Variants in WDR3 observed in about 807,000 individuals in gnomAD.
WDR3 encodes WD repeat domain 3.
In WDR3, 81 loss-of-function variants were observed where a neutral mutation model predicts 123.7. The observed-to-expected ratio is 0.65, with a 90% CI of 0.55 to 0.79. The LOEUF is 0.79. Among genes scored for constraint, WDR3 ranks in the 30% least tolerant of loss-of-function variants. The pLI is 0.00. For synonymous variants in WDR3, 390 were observed against 388.8 expected (o/e 1.00, Z -0.04); for missense variants, 1,027 against 1,123.2 (o/e 0.91, Z 1.22).
intron 12 of WDR3, among the ~76,000 whole-genome samples, chr1:117,948,001 G>A (rs1209295447): frequency 1.3e-5 from 2 of 152,164 alleles, no homozygotes; most frequent in East Asian, 3.9e-4. Context: ...GGTTGCTTAA[G>A]CCAATAACTA....
In WDR3 at chr1:117,940,729, G is replaced by GACA. The variant is rs529621497; in HGVS notation, c.676-78_676-76dup. On this transcript the variant is annotated intron_variant, in intron 6 of 26. Coordinates refer to ENST00000349139, the MANE Select transcript of WDR3 (RefSeq NM_006784.3). ...GGCGACAGAGTAAGACTCTGTCTCC[G>GACA]ACAACAACAACAACAACAACAAAAC... 2,947 of 1,114,186 alleles carry GACA rather than the reference G, an allele frequency of 2.6e-3. 18 individuals carry two copies. The highest frequency in any genetic ancestry group is 0.024 in the African/African-American group (1,475 of 61,890). The allele number at this position is 1,114,186 out of a possible 1,614,324, so 69.0% of individuals were successfully genotyped here.
intron 13 of WDR3, 98 bp from the exon 14 acceptor site, chr1:117,949,653 G>A (rs1378761566): frequency 1.8e-5 from 24 of 1,352,386 alleles, no homozygotes; most frequent in African/African-American, 3.0e-5. Context: ...ATCCCATGAC[G>A]TTAAATAAAA....
In WDR3 at chr1:117,966,392, T is replaced by A; in HGVS notation, c.*6945T>A. 2.5e-6 allele frequency: 1 copy of A among 399,830 alleles called. No individual in the cohort carries two copies. The highest frequency in any genetic ancestry group is 4.4e-6 in the Non-Finnish European group (1 of 227,554). 24.8% of individuals were successfully genotyped at this position (399,830 alleles called of 1,614,324 possible). ...GCCAATAACATTTACATTTATTCAA[T>A]CTGAAGTTACTGCACATATACTATG... On this transcript the variant is annotated 3_prime_UTR_variant, in exon 27 of 27. Coordinates refer to ENST00000349139, the MANE Select transcript of WDR3 (RefSeq NM_006784.3).
intron 12 of WDR3, 61 bp from the exon 13 acceptor site, chr1:117,948,344 C>A: frequency 2.1e-6 from 3 of 1,457,790 alleles, no homozygotes; most frequent in South Asian, 1.2e-5. Context: ...ATTGTGCAGT[C>A]ATGAATCATG....
At position 117,940,732 on chromosome 1, in the gene WDR3, A is replaced by G. The variant is rs114162187; in HGVS notation, c.676-95A>G. The G allele has an allele frequency of 5.1e-3, 4,928 of 961,306 alleles. 73 individuals are homozygous for G. The highest frequency in any genetic ancestry group is 0.037 in the East Asian group (1,316 of 35,740). The allele number at this position is 961,306 out of a possible 1,614,324, so 59.5% of individuals were successfully genotyped here. ...GACAGAGTAAGACTCTGTCTCCGAC[A>G]ACAACAACAACAACAACAAAACAAC... On this transcript the variant is annotated intron_variant, in intron 6 of 26. Coordinates refer to ENST00000349139, the MANE Select transcript of WDR3 (RefSeq NM_006784.3).
intron 6 of WDR3, among the ~76,000 whole-genome samples, chr1:117,940,039 G>C (rs1005944403): frequency 6.6e-6 from 1 of 152,208 alleles, no homozygotes; most frequent in African/African-American, 2.4e-5. Flanking sequence ...CAGCCATTTC[G>C]ATGGGAGTTA....
At chr1:117,958,834 C>T in intron 25 of WDR3, 76 bp from the exon 26 acceptor site, 14 of 774,694 alleles carry the variant, frequency 1.8e-5, no homozygotes, top group Middle Eastern at 2.6e-4. Flanking sequence ...GATATTGTGT[C>T]TGTTTACTGT....
intron 22 of WDR3, 23 bp downstream of exon 22, chr1:117,954,122 T>G (rs1457596480): frequency 1.3e-6 from 2 of 1,586,440 alleles, no homozygotes; most frequent in South Asian, 2.2e-5. Context: ...TACAGTAAGT[T>G]ACAGTATCAA....
chr1:117,941,268 TC>T (rs1238672509), intron 8 of WDR3, 43 bp downstream of exon 8: 2 of 1,578,442 alleles, frequency 1.3e-6, no homozygotes, highest in Admixed American at 3.5e-5. Context: ...ACTAGGCTGT[TC>T]CTTCCAAACA....
In WDR3 at chr1:117,940,931, C is replaced by T. The variant is rs776772368; in HGVS notation, c.780C>T (p.Ala260=). 8 of 1,609,448 alleles carry T rather than the reference C, an allele frequency of 5.0e-6. No individual in the cohort carries two copies. Among genetic ancestry groups the T allele is most frequent in the East Asian group, 4.5e-5 (2 of 44,862 alleles). The part of the protein sequence containing the change: ...AEDGAFETDE[A]PEDRILSCRK... Reference sequence around the variant, plus strand: ...ATGGTGCCTTTGAGACGGATGAAGCCCCTGAGGATGTAATTCATTTTCATT... The same window carrying T: ...ATGGTGCCTTTGAGACGGATGAAGCTCCTGAGGATGTAATTCATTTTCATT... Residue 260 remains alanine (A), a synonymous_variant, in exon 7 of 27, where the codon GCC becomes GCT. Coordinates refer to ENST00000349139, the MANE Select transcript of WDR3 (RefSeq NM_006784.3).
intron 20 of WDR3, 33 bp downstream of exon 20, chr1:117,953,029 C>A (rs191840950): frequency 6.8e-6 from 11 of 1,605,962 alleles, no homozygotes; most frequent in Non-Finnish European, 9.4e-6. Context: ...GAGATTATGC[C>A]CCATATATAG....
intron 3 of WDR3, among the ~76,000 whole-genome samples, chr1:117,936,465 T>C (rs1054465560): frequency 1.2e-4 from 18 of 152,104 alleles, no homozygotes; most frequent in Non-Finnish European, 1.8e-4. Flanking sequence ...ATGGAAGAAA[T>C]GGAAATAATA....
chr1:117,931,469 A>G (rs968257469), intron 1 of WDR3, among the ~76,000 whole-genome samples: 3 of 152,238 alleles, frequency 2.0e-5, no homozygotes, highest in Non-Finnish European at 2.9e-5. Context: ...TCTTAGTGTC[A>G]GAAGAAAAGA....
intron 25 of WDR3, among the ~76,000 whole-genome samples, chr1:117,957,526 C>T (rs940503970): frequency 2.0e-5 from 3 of 152,210 alleles, no homozygotes; most frequent in Admixed American, 2.0e-4. Context: ...TGGTTCTAGT[C>T]AGTTTGCCAA....
At chr1:117,935,232 T>TAGCTAA (rs1650869973) in intron 3 of WDR3, among the ~76,000 whole-genome samples, 1 of 152,196 alleles carries the variant, frequency 6.6e-6, no homozygotes, top group African/African-American at 2.4e-5. Flanking sequence ...TTGATTTATA[T>TAGCTAA]AGCTAAAGCT....
At chr1:117,936,411 T>G (rs1173635194) in intron 3 of WDR3, among the ~76,000 whole-genome samples, 1 of 152,108 alleles carries the variant, frequency 6.6e-6, no homozygotes, top group Admixed American at 6.5e-5. Context: ...ACTTTAGAAT[T>G]GATTATTATG....
chr1:117,947,408 A>G (rs1651448670), intron 12 of WDR3, among the ~76,000 whole-genome samples: 1 of 152,344 alleles, frequency 6.6e-6, no homozygotes, highest in Non-Finnish European at 1.5e-5. Context: ...TGCTTCAACA[A>G]AAAAATGTAG....
chr1:117,950,809 T>C (rs773371895), intron 15 of WDR3, 25 bp from the exon 16 acceptor site: 1 of 1,587,858 alleles, frequency 6.3e-7, no homozygotes, highest in South Asian at 1.1e-5. Context: ...TAGACAGACA[T>C]TAATTATGTT....
rs768948946 is a variant in WDR3 at position 117,933,306 on chromosome 1, T to G, written c.-14T>G. 1 of 1,613,672 alleles carries G rather than the reference T, an allele frequency of 6.2e-7. No individual in the cohort carries two copies. Among genetic ancestry groups the G allele is most frequent in the Non-Finnish European group, 8.5e-7 (1 of 1,179,628 alleles). On this transcript the variant is annotated 5_prime_UTR_variant, in exon 2 of 27. Coordinates refer to ENST00000349139, the MANE Select transcript of WDR3 (RefSeq NM_006784.3). The stretch of plus-strand genomic sequence containing the variant: ...TGCACAGATTGCTTCACCTGTGGTA[T>G]CAGACATCACAACATGGGGCTCACC...
Sources: allele counts gnomAD v4.1 joint callset (sites outside exome capture counted in the v4.1 genomes callset), GRCh38; gene constraint gnomAD v4.1.1; transcripts MANE v1.5; gene names NCBI Gene and HGNC (gene_info 2026-07-23, HGNC 2026-07-21).